The following RGS22 variants were observed in gnomAD, a reference collection of about 807,000 sequenced individuals.
RGS22 encodes regulator of G-protein signaling 22.
Under a neutral mutation model 172.9 loss-of-function variants are expected in RGS22, and 148 were observed. The ratio of observed to expected loss-of-function variants is 0.86; its 90% CI spans 0.75 to 0.98. RGS22 has a LOEUF of 0.98. Among genes scored for constraint, RGS22 ranks in the 50% least tolerant of loss-of-function variants. RGS22 has a pLI of 0.00. For missense variants in RGS22, 1,347 were observed against 1,440.8 expected (o/e 0.93, Z 1.05); for synonymous variants, 458 against 480.2 (o/e 0.95, Z 0.60).
intron 2 of RGS22, among the ~76,000 whole-genome samples, chr8:100,096,241 T>C (rs1344453946): frequency 6.6e-6 from 1 of 152,248 alleles, no homozygotes; most frequent in Non-Finnish European, 1.5e-5. Context: ...AGGTTTAACA[T>C]CTTCCAAATA....
chr8:100,038,358 T>G (rs1337543007), intron 14 of RGS22, among the ~76,000 whole-genome samples: 2 of 152,116 alleles, frequency 1.3e-5, no homozygotes, highest in Non-Finnish European at 2.9e-5. Flanking sequence ...TCCTCCTCTA[T>G]TTGGCTTCAG....
chr8:100,072,121 C>CAT, intron 5 of RGS22, 24 bp downstream of exon 5: 1 of 1,370,310 alleles, frequency 7.3e-7, no homozygotes, highest in Non-Finnish European at 1.0e-6. Flanking sequence ...TTTAAAAATA[C>CAT]ATATATTGAT....
chr8:100,046,053 A>G (rs868586722), intron 11 of RGS22, among the ~76,000 whole-genome samples: 13 of 152,212 alleles, frequency 8.5e-5, no homozygotes, highest in South Asian at 2.1e-4. Flanking sequence ...ATCTATTGCT[A>G]TAGCACAATC....
In RGS22 at chr8:100,063,694, C is replaced by T. The variant is rs774008754; in HGVS notation, c.1074G>A (p.Glu358=). 1 of 1,614,018 alleles carries T rather than the reference C, an allele frequency of 6.2e-7. No individual in the cohort carries two copies. The highest frequency in any genetic ancestry group is 1.1e-5 in the South Asian group (1 of 91,064). The part of the protein sequence containing the change: ...ITKVSFDDCF[E]SIHGKNFLSE... ...TTAAAAAATTCTTGCCATGAATAGACTCAAAACAATCATCAAATGACACTT... is the reference window on the plus strand; with the variant it reads ...TTAAAAAATTCTTGCCATGAATAGATTCAAAACAATCATCAAATGACACTT... Residue 358 remains glutamate, a synonymous_variant, in exon 8 of 28, where the codon GAG becomes GAA. Transcript: ENST00000360863.
chr8:99,976,216 T>C (rs1414930666), intron 23 of RGS22, among the ~76,000 whole-genome samples: 1 of 151,944 alleles, frequency 6.6e-6, no homozygotes, highest in African/African-American at 2.4e-5. Context: ...AAAATAAAAA[T>C]AAAAAGAATG....
At chr8:100,026,126 T>C (rs1483317896) in intron 14 of RGS22, among the ~76,000 whole-genome samples, 1 of 152,218 alleles carries the variant, frequency 6.6e-6, no homozygotes, top group Non-Finnish European at 1.5e-5. Context: ...CAGTTTATAT[T>C]GATTTACTGG....
intron 14 of RGS22, among the ~76,000 whole-genome samples, chr8:100,032,809 C>A (rs932327067): frequency 6.6e-6 from 1 of 152,176 alleles, no homozygotes; most frequent in Non-Finnish European, 1.5e-5. Context: ...GAAATCACAA[C>A]AAACTATCTC....
intron 23 of RGS22, among the ~76,000 whole-genome samples, chr8:99,970,685 G>T (rs1811243159): frequency 6.6e-6 from 1 of 152,104 alleles, no homozygotes; most frequent in African/African-American, 2.4e-5. Flanking sequence ...CCAGGAAGAA[G>T]TCGAATCCCT....
rs1367382803 is a variant in RGS22 at position 100,096,474 on chromosome 8, T to G, written c.55-2965A>C. Reference sequence around the variant, plus strand: ...GTGAAAATGAAGTCAGCTTTTCCATTTTTAGTCCAAACTTCTCAAAGGTCT... The same window carrying G: ...GTGAAAATGAAGTCAGCTTTTCCATGTTTAGTCCAAACTTCTCAAAGGTCT... On this transcript the variant is annotated intron_variant, in intron 2 of 27. Transcript: ENST00000360863. Among the ~76,000 whole-genome samples the G allele has an allele frequency of 2.0e-5, 3 of 152,158 alleles. No homozygotes were observed. The East Asian group carries it at 5.8e-4, about 29-fold the overall frequency.
intron 14 of RGS22, among the ~76,000 whole-genome samples, chr8:100,030,622 T>C (rs539324060): frequency 3.9e-5 from 6 of 152,246 alleles, no homozygotes; most frequent in Non-Finnish European, 7.4e-5. Flanking sequence ...TCCTCAATAA[T>C]AGCAATGGAA....
rs1041345560 is a variant in RGS22 at position 99,962,937 on chromosome 8, CT to C, written c.3656del (p.Gln1219ArgfsTer12). On this transcript the variant is annotated frameshift_variant, in exon 25 of 28. Transcript: ENST00000360863. LOFTEE classifies it high-confidence loss of function. The stretch of plus-strand genomic sequence containing the variant: ...CTTGGATCTTAAGAAGAATTCTCTC[CT>C]GTTCTAAGGCTTCTATATACTTTGA... ...CYSKYIEALE[Q>X]ERILLKIQEE... is the part of the protein sequence containing the mutation. 1 of 1,600,028 alleles carries C rather than the reference CT, an allele frequency of 6.2e-7. No homozygotes were observed.
intron 4 of RGS22, among the ~76,000 whole-genome samples, chr8:100,079,120 C>T (rs1811565000): frequency 6.6e-6 from 1 of 152,126 alleles, no homozygotes; most frequent in Admixed American, 6.5e-5. Flanking sequence ...AATAAATAGG[C>T]TATAAAGACC....
At chr8:100,036,245 T>C (rs2131576045) in intron 14 of RGS22, among the ~76,000 whole-genome samples, 1 of 152,276 alleles carries the variant, frequency 6.6e-6, no homozygotes, top group African/African-American at 2.4e-5. Flanking sequence ...AAGCTGTCGC[T>C]AGGGTCAAAG....
Position 100,008,560 on chromosome 8 carries a change from C to A in RGS22, c.2176G>T (p.Ala726Ser). 1 of 1,603,524 alleles carries A rather than the reference C, an allele frequency of 6.2e-7. No homozygotes were observed. The change falls in exon 15 of 28, where the codon GCC (alanine) becomes TCC (serine). Residue 726 changes from alanine to serine, a missense_variant. By Grantham distance (99) the Ala-to-Ser change is moderately conservative (BLOSUM62 1). Coordinates refer to ENST00000360863, the MANE Select transcript of RGS22 (RefSeq NM_015668.5). ...KVCKQAQYLF[A>S]TYVAPSATLD... is the part of the protein sequence containing the mutation. Reference sequence around the variant, plus strand: ...GTGGCAGAAGGAGCAACGTATGTGGCAAAAAGATACTGAAGGAGAAGAGGG... The same window carrying A: ...GTGGCAGAAGGAGCAACGTATGTGGAAAAAAGATACTGAAGGAGAAGAGGG...
chr8:99,964,247 G>A (rs989845245), intron 24 of RGS22, among the ~76,000 whole-genome samples: 1 of 152,094 alleles, frequency 6.6e-6, no homozygotes, highest in Non-Finnish European at 1.5e-5. Context: ...AAGCCCAGGA[G>A]TTTGAGAGCA....
chr8:100,050,048 T>A (rs1273741135), intron 10 of RGS22, among the ~76,000 whole-genome samples: 5 of 74,822 alleles, frequency 6.7e-5, no homozygotes, highest in African/African-American at 2.4e-4. Context: ...AAACTCCATC[T>A]CCAAAAAAAA....
chr8:99,987,545 A>T lies in RGS22; in HGVS notation c.3093T>A (p.Thr1031=). Residue 1031 remains threonine, a synonymous_variant, in exon 21 of 28, where the codon ACT becomes ACA. Coordinates refer to ENST00000360863, the MANE Select transcript of RGS22 (RefSeq NM_015668.5). ...AFRKALLNPV[T]SRQFQRFVAL... The stretch of plus-strand genomic sequence containing the variant: ...CCACAAAACGTTGAAATTGTCTTGA[A>T]GTAACTGGATTCAATAATGCTTTGC... 1 of 1,612,134 alleles carries T rather than the reference A, an allele frequency of 6.2e-7. No individual in the cohort carries two copies. Among genetic ancestry groups the T allele is most frequent in the Non-Finnish European group, 8.5e-7 (1 of 1,179,022 alleles).
At chr8:100,043,380 A>G (rs956733569) in intron 11 of RGS22, among the ~76,000 whole-genome samples, 8 of 152,090 alleles carry the variant, frequency 5.3e-5, no homozygotes, top group Admixed American at 5.2e-4. Flanking sequence ...CAGCTTCTCC[A>G]TTTCCTCTGG....
chr8:99,962,616 TG>T, intron 26 of RGS22, 70 bp downstream of exon 26: 1 of 1,478,226 alleles, frequency 6.8e-7, no homozygotes, highest in Non-Finnish European at 9.3e-7. Context: ...ACATTCTGAA[TG>T]GCCAGGTGAG....
Sources: gnomAD v4.1 joint callset for allele counts (sites outside exome capture counted in the v4.1 genomes callset) on GRCh38, gnomAD v4.1.1 for gene constraint, MANE v1.5 for transcripts, NCBI Gene and HGNC (gene_info 2026-07-23, HGNC 2026-07-21) for gene names.